Variants in SLC25A21 observed in about 807,000 individuals in gnomAD.
SLC25A21 encodes solute carrier family 25 member 21.
SLC25A21 carries 47 observed loss-of-function variants against 43.8 expected under a neutral mutation model. That is an observed-to-expected ratio of 1.07 (90% confidence interval 0.85 to 1.37). SLC25A21 has a LOEUF of 1.37. Among genes scored for constraint, SLC25A21 ranks in the 40% most tolerant of loss-of-function variants. The pLI is 0.00. For missense variants in SLC25A21, 352 were observed against 350.2 expected (o/e 1.00, Z -0.04); for synonymous variants, 131 against 121.3 (o/e 1.08, Z -0.52).
chr14:36,861,702 A>C (rs577343739), intron 2 of SLC25A21, among the ~76,000 whole-genome samples: 35 of 152,304 alleles, frequency 2.3e-4, no homozygotes, highest in African/African-American at 7.9e-4. Flanking sequence ...CATTTTTAAA[A>C]CTGTTACAAT....
At chr14:36,733,277 G>C (rs1477363087) in intron 4 of SLC25A21, among the ~76,000 whole-genome samples, 1 of 152,176 alleles carries the variant, frequency 6.6e-6, no homozygotes, top group African/African-American at 2.4e-5. Flanking sequence ...CTTTTATCAA[G>C]TAAAGCCATT....
intron 1 of SLC25A21, among the ~76,000 whole-genome samples, chr14:37,115,453 C>CA (rs1271459078): frequency 6.6e-6 from 1 of 152,186 alleles, no homozygotes; most frequent in Non-Finnish European, 1.5e-5. Flanking sequence ...GCATGGAAGA[C>CA]ACAGGAAAGA....
intron 1 of SLC25A21, among the ~76,000 whole-genome samples, chr14:36,926,704 A>AT (rs1892143026): frequency 6.6e-6 from 1 of 152,178 alleles, no homozygotes; most frequent in Non-Finnish European, 1.5e-5. Flanking sequence ...TAGTTTGGGT[A>AT]TTTAACTATA....
intron 1 of SLC25A21, among the ~76,000 whole-genome samples, chr14:36,993,549 A>C (rs1960308281): frequency 6.6e-6 from 1 of 152,108 alleles, no homozygotes; most frequent in African/African-American, 2.4e-5. Context: ...ATATCATTAA[A>C]ACTAGAATTA....
At chr14:37,021,217 G>A (rs1026546898) in intron 1 of SLC25A21, among the ~76,000 whole-genome samples, 9 of 152,076 alleles carry the variant, frequency 5.9e-5, no homozygotes, top group South Asian at 4.1e-4. Flanking sequence ...TTATATAGAT[G>A]TAAAGAGAAC....
intron 3 of SLC25A21, among the ~76,000 whole-genome samples, chr14:36,779,189 A>G (rs2138373841): frequency 6.8e-6 from 1 of 147,070 alleles, no homozygotes; most frequent in African/African-American, 2.5e-5. Flanking sequence ...TTCTTTATAT[A>G]TAATATATAT....
intron 1 of SLC25A21, among the ~76,000 whole-genome samples, chr14:37,155,110 G>C: frequency 6.8e-6 from 1 of 147,416 alleles, no homozygotes; most frequent in East Asian, 2.1e-4. Context: ...TCACTCTGTT[G>C]CCCAGGCTGG....
At chr14:37,020,158 TAAATAA>T (rs1960953152) in intron 1 of SLC25A21, among the ~76,000 whole-genome samples, 2 of 151,950 alleles carry the variant, frequency 1.3e-5, no homozygotes, top group African/African-American at 4.8e-5. Context: ...AACACTGTGT[TAAATAA>T]AACTCGATGT....
intron 3 of SLC25A21, among the ~76,000 whole-genome samples, chr14:36,749,891 T>G (rs910229460): frequency 9.9e-5 from 15 of 152,238 alleles, no homozygotes; most frequent in South Asian, 4.1e-4. Context: ...TTATTTTTCT[T>G]CATAGAATGG....
chr14:37,042,236 G>A (rs1961488983), intron 1 of SLC25A21, among the ~76,000 whole-genome samples: 1 of 152,160 alleles, frequency 6.6e-6, no homozygotes, highest in South Asian at 2.1e-4. Flanking sequence ...TGGAAGCCGA[G>A]TTCAGGACAT....
chr14:36,880,725 T>A (rs1890693685), intron 1 of SLC25A21, among the ~76,000 whole-genome samples: 1 of 152,158 alleles, frequency 6.6e-6, no homozygotes, highest in Admixed American at 6.5e-5. Flanking sequence ...AATAAGCAGA[T>A]AAGGACAGAG....
rs140016916 is a variant in SLC25A21, at chr14:37,098,790, T to C, written c.70+73491A>G. Among the ~76,000 whole-genome samples, 803 of 113,080 alleles carry C rather than the reference T, an allele frequency of 7.1e-3. 8 individuals carry two copies. The highest frequency in any genetic ancestry group is 0.033 in the African/African-American group (751 of 22,726). The allele number at this position is 113,080 out of a possible 152,430, so 74.2% of individuals were successfully genotyped here. On this transcript the variant is annotated intron_variant, in intron 1 of 9. Coordinates refer to ENST00000331299, the MANE Select transcript of SLC25A21 (RefSeq NM_030631.4). Reference sequence around the variant, plus strand: ...ACAGACAGACAGACAGACAGACAGATAGATAGATAGATAGATTTTTTTTTT... The same window carrying C: ...ACAGACAGACAGACAGACAGACAGACAGATAGATAGATAGATTTTTTTTTT...
At chr14:36,835,339 C>T (rs1889172175) in intron 2 of SLC25A21, among the ~76,000 whole-genome samples, 1 of 152,142 alleles carries the variant, frequency 6.6e-6, no homozygotes, top group Non-Finnish European at 1.5e-5. Context: ...TCTCTCTGCC[C>T]ACATTTCAAT....
rs1303504205 is a variant in SLC25A21 at position 37,002,198 on chromosome 14, G to T, written c.71-127194C>A. Among the ~76,000 whole-genome samples the T allele has an allele frequency of 2.0e-5, 3 of 152,232 alleles. No homozygotes were observed. The East Asian group carries it at 5.8e-4, about 29-fold the overall frequency. On this transcript the variant is annotated intron_variant, in intron 1 of 9. Transcript: ENST00000331299. ...GCACCATAAGGAAAGTACAGGCCAT[G>T]ATGTGTTTTCTGCAGATAATTCCAG...
intron 1 of SLC25A21, among the ~76,000 whole-genome samples, chr14:36,905,167 G>A (rs1158148404): frequency 6.6e-6 from 1 of 152,146 alleles, no homozygotes; most frequent in Non-Finnish European, 1.5e-5. Context: ...GATTTATACA[G>A]TCATTACCAA....
intron 1 of SLC25A21, among the ~76,000 whole-genome samples, chr14:37,166,555 A>T (rs58473518): frequency 0.11 from 16,886 of 152,248 alleles, 2,288 homozygotes; most frequent in African/African-American, 0.32. Context: ...GAAGTTGTGG[A>T]AAGGATTAAA....
At chr14:37,171,047 T>A (rs1479621119) in intron 1 of SLC25A21, among the ~76,000 whole-genome samples, 1 of 141,152 alleles carries the variant, frequency 7.1e-6, no homozygotes, top group African/African-American at 2.6e-5. Context: ...GATCGCGCCA[T>A]GGCAATCCAG....
chr14:36,845,508 C>T lies in SLC25A21; in HGVS notation c.119+29448G>A, dbSNP rs548626406. Among the ~76,000 whole-genome samples, 127 of 152,324 alleles carry T rather than the reference C, an allele frequency of 8.3e-4. 3 individuals carry two copies. The South Asian group carries it at 0.025, about 30-fold the overall frequency. On this transcript the variant is annotated intron_variant, in intron 2 of 9. Transcript: ENST00000331299. ...AGTCAAGTCATACTCTAAAAAAGTT[C>T]TTACTTACACACAGCAGATGTGTAA...
chr14:36,943,010 A>T (rs1435932559), intron 1 of SLC25A21, among the ~76,000 whole-genome samples: 4 of 152,186 alleles, frequency 2.6e-5, no homozygotes, highest in Non-Finnish European at 5.9e-5. Flanking sequence ...CTTCTGCCTT[A>T]GAAGGCAATG....
Sources: allele counts gnomAD v4.1 joint callset (sites outside exome capture counted in the v4.1 genomes callset), GRCh38; gene constraint gnomAD v4.1.1; transcripts MANE v1.5; gene names NCBI Gene and HGNC (gene_info 2026-07-23, HGNC 2026-07-21).